The following ZBTB20 variants were observed in gnomAD, a reference collection of about 807,000 sequenced individuals.
ZBTB20 encodes zinc finger and BTB domain-containing protein 20.
Under a neutral mutation model 56.9 loss-of-function variants are expected in ZBTB20, and 9 were observed. The observed-to-expected ratio is 0.16, with a 90% CI of 0.10 to 0.28. The LOEUF is 0.28. Ranked by LOEUF, ZBTB20 falls within the 10% of genes least tolerant of loss-of-function variation. The pLI, the probability that ZBTB20 is intolerant of heterozygous loss-of-function variation, is 1.00. For synonymous variants in ZBTB20, 417 were observed against 420.7 expected (o/e 0.99, Z 0.11); for missense variants, 655 against 1,003.0 (o/e 0.65, Z 4.69).
chr3:114,703,836 T>C (rs1040090799), intron 5 of ZBTB20, among the ~76,000 whole-genome samples: 5 of 152,208 alleles, frequency 3.3e-5, no homozygotes, highest in African/African-American at 9.6e-5. Flanking sequence ...TAGAAAATAC[T>C]GTAGAACGAA....
intron 4 of ZBTB20, among the ~76,000 whole-genome samples, chr3:114,830,689 C>T (rs1324871236): frequency 3.3e-5 from 5 of 151,964 alleles, no homozygotes; most frequent in Non-Finnish European, 7.4e-5. Flanking sequence ...AGTTAAGTAA[C>T]TTGACTAAAT....
chr3:114,397,287 CTTTATGAAGTCCCA>C (rs1205332687), intron 7 of ZBTB20, among the ~76,000 whole-genome samples: 15 of 152,040 alleles, frequency 9.9e-5, no homozygotes, highest in Non-Finnish European at 1.5e-5. Context: ...GTTTGTTCTC[CTTTATGAAGTCCCA>C]TTCTCTTTTT....
At chr3:114,346,039 TA>T (rs2080158246) in intron 11 of ZBTB20, among the ~76,000 whole-genome samples, 1 of 152,180 alleles carries the variant, frequency 6.6e-6, no homozygotes, top group African/African-American at 2.4e-5. Context: ...GAAGCTGCAG[TA>T]AGTGAATGAA....
At chr3:114,937,266 C>T (rs192874460) in intron 3 of ZBTB20, among the ~76,000 whole-genome samples, 15 of 152,260 alleles carry the variant, frequency 9.9e-5, no homozygotes, top group Admixed American at 3.3e-4. Flanking sequence ...TCTCCACATC[C>T]TCTCCAGCAT....
At chr3:114,481,731 G>C (rs2041570299) in intron 7 of ZBTB20, among the ~76,000 whole-genome samples, 1 of 152,188 alleles carries the variant, frequency 6.6e-6, no homozygotes, top group Non-Finnish European at 1.5e-5. Context: ...TTAGGTGAAG[G>C]ACTGTGTCTC....
intron 4 of ZBTB20, among the ~76,000 whole-genome samples, chr3:114,897,800 A>T (rs183439394): frequency 4.4e-4 from 67 of 152,254 alleles, no homozygotes; most frequent in African/African-American, 1.5e-3. Context: ...GCCTAAAAGT[A>T]CATGTGTCAT....
rs1219616759 is a variant in ZBTB20 at position 114,662,378 on chromosome 3, TC to T, written c.-295+31149del. Among the ~76,000 whole-genome samples, 12 of 146,432 alleles carry T rather than the reference TC, an allele frequency of 8.2e-5. No homozygotes were observed. In the East Asian group the frequency reaches 1.8e-3, roughly 22 times the overall value. On this transcript the variant is annotated intron_variant, in intron 6 of 11. Coordinates refer to ENST00000675478, the MANE Select transcript of ZBTB20 (RefSeq NM_001348800.3). ...CGCAATAAACATACATGTGCATGTGTCTTTATAGCAGCATGATTTATAGTCC... is the reference window on the plus strand; with the variant it reads ...CGCAATAAACATACATGTGCATGTGTTTTATAGCAGCATGATTTATAGTCC...
intron 4 of ZBTB20, among the ~76,000 whole-genome samples, chr3:114,829,719 C>T (rs1256184736): frequency 1.3e-5 from 2 of 151,736 alleles, no homozygotes; most frequent in Admixed American, 6.6e-5. Flanking sequence ...AACACTAAGA[C>T]AAAGAAAGAA....
At chr3:114,547,323 G>T (rs1039752743) in intron 6 of ZBTB20, among the ~76,000 whole-genome samples, 1 of 152,118 alleles carries the variant, frequency 6.6e-6, no homozygotes, top group Non-Finnish European at 1.5e-5. Flanking sequence ...TTGAAGGAAG[G>T]GTGGCCTATT....
intron 6 of ZBTB20, among the ~76,000 whole-genome samples, chr3:114,598,897 G>A (rs1331547724): frequency 6.6e-5 from 10 of 151,946 alleles, no homozygotes; most frequent in South Asian, 2.1e-4. Context: ...TTTTTGCTGC[G>A]TTGTGTCCAG....
intron 2 of ZBTB20, among the ~76,000 whole-genome samples, chr3:114,995,921 T>C (rs2079007746): frequency 6.6e-6 from 1 of 151,780 alleles, no homozygotes; most frequent in Non-Finnish European, 1.5e-5. Context: ...CTTTACCTTC[T>C]CCCAACCCCA....
rs1445039041 is a variant in ZBTB20, at chr3:114,335,488, T to G, written c.*3517A>C. ...AATTGACAATCTAAAAGCATCTCTA[T>G]CCTTTTGAAACAGGTCCAGATTGGT... On this transcript the variant is annotated 3_prime_UTR_variant, in exon 12 of 12. Transcript: ENST00000675478. 1 of 152,222 alleles carries G rather than the reference T, an allele frequency of 6.6e-6. No homozygotes were observed. The allele number at this position is 152,222 out of a possible 1,614,324, so 9.4% of individuals were successfully genotyped here.
intron 3 of ZBTB20, among the ~76,000 whole-genome samples, chr3:114,921,129 CTTT>C (rs2075942761): frequency 6.6e-6 from 1 of 151,996 alleles, no homozygotes; most frequent in African/African-American, 2.4e-5. Context: ...GACTAGATGT[CTTT>C]TATTTTTTGA....
At chr3:114,379,273 G>C (rs559973511) in intron 10 of ZBTB20, 5 of 152,320 alleles carry the variant, frequency 3.3e-5, no homozygotes, top group Admixed American at 2.0e-4. Flanking sequence ...GAATATGCCA[G>C]TTATTTGCAT....
chr3:114,582,665 C>T (rs1426472318), intron 6 of ZBTB20, among the ~76,000 whole-genome samples: 1 of 152,210 alleles, frequency 6.6e-6, no homozygotes, highest in Admixed American at 6.5e-5. Context: ...TAGGCGTGAG[C>T]CACCATGCCC....
At chr3:114,855,902 G>C (rs9834893) in intron 4 of ZBTB20, among the ~76,000 whole-genome samples, 118,443 of 152,180 alleles carry the variant, frequency 0.78, 50,307 homozygotes, top group East Asian at 0.99. Context: ...CAGAAAAATA[G>C]CAGCTTCAAA....
At chr3:115,079,386 A>ATTTC (rs1204164964) in intron 1 of ZBTB20, among the ~76,000 whole-genome samples, 1 of 151,374 alleles carries the variant, frequency 6.6e-6, no homozygotes, top group Non-Finnish European at 1.5e-5. Context: ...TTTCTTATTT[A>ATTTC]TTTATTTATT....
intron 6 of ZBTB20, among the ~76,000 whole-genome samples, chr3:114,680,747 T>C (rs1475160643): frequency 6.6e-6 from 1 of 152,152 alleles, no homozygotes; most frequent in Non-Finnish European, 1.5e-5. Context: ...TTGACAATGA[T>C]CGTTACTGAA....
intron 10 of ZBTB20, among the ~76,000 whole-genome samples, chr3:114,357,827 T>C (rs2081408053): frequency 6.6e-6 from 1 of 152,192 alleles, no homozygotes; most frequent in Non-Finnish European, 1.5e-5. Context: ...TTACTTAAGT[T>C]GAGCTGATAC....
Sources: gnomAD v4.1 joint callset for allele counts (sites outside exome capture counted in the v4.1 genomes callset) on GRCh38, gnomAD v4.1.1 for gene constraint, MANE v1.5 for transcripts, NCBI Gene and HGNC (gene_info 2026-07-23, HGNC 2026-07-21) for gene names.